The following NEB variants were observed in gnomAD, a reference collection of about 807,000 sequenced individuals.
NEB encodes nebulin.
In NEB, 512 loss-of-function variants were observed where a neutral mutation model predicts 952.2. The observed-to-expected ratio is 0.54, with a 90% CI of 0.50 to 0.58. The LOEUF is 0.58. Among genes scored for constraint, NEB ranks in the 20% least tolerant of loss-of-function variants. The probability of loss-of-function intolerance (pLI) is 0.00; values close to 1 mark genes in which losing one functional copy is unlikely to be tolerated. For synonymous variants in NEB, 2,900 were observed against 3,149.8 expected (o/e 0.92, Z 2.66); for missense variants, 8,428 against 9,231.1 (o/e 0.91, Z 3.56).
At chr2:151,688,494 A>G (rs1172861804) in intron 24 of NEB, 98 bp from the exon 25 acceptor site, 1 of 889,766 alleles carries the variant, frequency 1.1e-6, no homozygotes, top group Admixed American at 2.0e-5. Context: ...TTTTAGAAAA[A>G]TGCCTCAAAG....
intron 10 of NEB, among the ~76,000 whole-genome samples, chr2:151,713,874 C>T (rs780112989): frequency 4.6e-5 from 7 of 152,110 alleles, no homozygotes; most frequent in Non-Finnish European, 8.8e-5. Flanking sequence ...GGCTGGCAAA[C>T]GGAAGGTAAC....
chr2:151,706,303 C>A (rs1222235573), intron 13 of NEB, among the ~76,000 whole-genome samples: 3 of 152,174 alleles, frequency 2.0e-5, no homozygotes, highest in African/African-American at 7.2e-5. Flanking sequence ...GCAAACCTAA[C>A]CGTAAGAGAT....
chr2:151,493,683 G>A, intron 175 of NEB, 92 bp downstream of exon 175: 1 of 1,093,154 alleles, frequency 9.1e-7, no homozygotes, highest in Non-Finnish European at 1.3e-6. Context: ...ATACACAAAA[G>A]TTTTGGAAAA....
chr2:151,496,130 GCCC>G, intron 173 of NEB, 143 bp downstream of exon 173: 1 of 893,810 alleles, frequency 1.1e-6, no homozygotes, highest in Non-Finnish European at 1.7e-6. Context: ...GCTAGAAGTA[GCCC>G]AAAGGAAAAA....
chr2:151,564,915 A>G (rs911874906), intron 117 of NEB, 129 bp downstream of exon 117: 3 of 572,908 alleles, frequency 5.2e-6, no homozygotes, highest in Middle Eastern at 4.1e-4. Flanking sequence ...ACACAAGACT[A>G]AGTGCAATGG....
At chr2:151,676,516 C>G (rs550447698) in intron 34 of NEB, among the ~76,000 whole-genome samples, 49 of 152,312 alleles carry the variant, frequency 3.2e-4, no homozygotes, top group African/African-American at 1.1e-3. Context: ...TTACCTACCC[C>G]CTAATATCCA....
intron 69 of NEB, 67 bp from the exon 70 acceptor site, chr2:151,627,272 A>C: frequency 6.5e-7 from 1 of 1,535,790 alleles, no homozygotes; most frequent in South Asian, 1.2e-5. Context: ...AAAATAAAAA[A>C]ATAACACTAG....
Position 151,658,011 on chromosome 2 carries a change from G to A in NEB, c.6155C>T (p.Ala2052Val). 6.2e-7 allele frequency: 1 copy of A among 1,610,084 alleles called. No homozygotes were observed. Among genetic ancestry groups the A allele is most frequent in the Non-Finnish European group, 8.5e-7 (1 of 1,177,464 alleles). Residue 2052 changes from alanine (A) to valine (V), a missense_variant, in exon 48 of 182, where the codon GCC (alanine) becomes GTC (valine). Physicochemically the swap from Ala to Val is moderately conservative, Grantham distance 64. This residue lies in a region of NEB where 2,851 missense variants were observed against 2,791.5 expected (regional missense o/e 1.02). Transcript: ENST00000397345. Reference sequence around the variant, plus strand: ...ACTTGCAATATCTCTGGAAGCCTTGGCAGCTTTGATAGGAATTGCATCAGG... The same window carrying A: ...ACTTGCAATATCTCTGGAAGCCTTGACAGCTTTGATAGGAATTGCATCAGG... ...LRPDAIPIKAAKASRDIASDY... is the reference protein window; with the variant it reads ...LRPDAIPIKAVKASRDIASDY...
intron 133 of NEB, 112 bp downstream of exon 133, chr2:151,547,317 T>C (rs2094840327): frequency 3.9e-6 from 3 of 775,580 alleles, no homozygotes; most frequent in Non-Finnish European, 6.4e-6. Context: ...ACTCTTTGTT[T>C]AGAAGTGCTT....
At chr2:151,676,308 C>A (rs2099358838) in intron 34 of NEB, among the ~76,000 whole-genome samples, 2 of 152,194 alleles carry the variant, frequency 1.3e-5, no homozygotes, top group Non-Finnish European at 1.5e-5. Context: ...TTCTACACAG[C>A]TCCTTCTCTG....
chr2:151,694,729 T>TA, intron 18 of NEB, 100 bp from the exon 19 acceptor site: 1 of 861,406 alleles, frequency 1.2e-6, no homozygotes, highest in Non-Finnish European at 1.8e-6. Context: ...TAATATAAAA[T>TA]AAATGGGCCC....
intron 66 of NEB, 127 bp downstream of exon 66, chr2:151,631,016 C>G: frequency 7.4e-7 from 1 of 1,342,342 alleles, no homozygotes; most frequent in Non-Finnish European, 1.0e-6. Flanking sequence ...TAGAGGATTT[C>G]AAGCATGTAA....
intron 153 of NEB, among the ~76,000 whole-genome samples, chr2:151,523,843 C>A (rs2083595764): frequency 6.6e-6 from 1 of 152,036 alleles, no homozygotes; most frequent in Non-Finnish European, 1.5e-5. Context: ...GACATCTGCT[C>A]ATCCCTACTT....
chr2:151,640,757 A>T, intron 60 of NEB, 91 bp from the exon 61 acceptor site: 1 of 1,313,496 alleles, frequency 7.6e-7, no homozygotes, highest in Non-Finnish European at 1.0e-6. Flanking sequence ...TTAAAAAAAA[A>T]ATTTTCCCTG....
At position 151,493,624 on chromosome 2, in the gene NEB, CGTG is replaced by C. The variant is rs1395773706; in HGVS notation, c.24672+148_24672+150del. ...GAAAGAAGTAAAATCACTGTGACCTCGTGGGGTTGGTTTGTTGTTTTTAAGTGG... is the reference window on the plus strand; with the variant it reads ...GAAAGAAGTAAAATCACTGTGACCTCGGGTTGGTTTGTTGTTTTTAAGTGG... On this transcript the variant is annotated intron_variant, in intron 175 of 181. Coordinates refer to ENST00000397345, the MANE Select transcript of NEB (RefSeq NM_001164508.2). The C allele has an allele frequency of 1.7e-4, 124 of 736,906 alleles. 2 individuals carry two copies. The East Asian group carries it at 3.3e-3, about 20-fold the overall frequency. The allele number at this position is 736,906 out of a possible 1,614,324, so 45.6% of individuals were successfully genotyped here.
At chr2:151,615,558 G>GT (rs1363832387) in intron 76 of NEB, among the ~76,000 whole-genome samples, 9 of 152,170 alleles carry the variant, frequency 5.9e-5, no homozygotes, top group Non-Finnish European at 8.8e-5. Context: ...TATCCATCTA[G>GT]TTTTCTTTTA....
At chr2:151,497,526 A>AAGTT in intron 171 of NEB, 100 bp downstream of exon 171, 1 of 1,503,470 alleles carries the variant, frequency 6.7e-7, no homozygotes, top group South Asian at 1.3e-5. Flanking sequence ...CACAAAATTT[A>AAGTT]AGTTGTCTTT....
chr2:151,485,807 T>C lies in NEB; in HGVS notation c.25531A>G (p.Thr8511Ala). The change falls in exon 182 of 182, where the codon ACT becomes GCT. Residue 8511 changes from threonine (T) to alanine (A), a missense_variant. Physicochemically the swap from Thr to Ala is moderately conservative, Grantham distance 58 (BLOSUM62 0). Coordinates refer to ENST00000397345, the MANE Select transcript of NEB (RefSeq NM_001164508.2). ...GCTGGGAGCATTCCGGTCCTGCCAG[T>C]CCTCTGCACAGTGCCATACATCCAG... ...EGWMYGTVQR[T>A]GRTGMLPANY... 2.5e-6 allele frequency: 4 copies of C among 1,613,440 alleles called. No individual in the cohort carries two copies. The highest frequency in any genetic ancestry group is 3.4e-6 in the Non-Finnish European group (4 of 1,179,502).
At position 151,493,780 on chromosome 2, in the gene NEB, T is replaced by C. The variant is rs1559158257; in HGVS notation, c.24667A>G (p.Ser8223Gly). The C allele has an allele frequency of 6.4e-7, 1 of 1,569,914 alleles. No individual in the cohort carries two copies. The highest frequency in any genetic ancestry group is 1.2e-5 in the South Asian group (1 of 85,792). Residue 8223 changes from serine (S) to glycine (G), a missense_variant, in exon 175 of 182, where the codon AGC becomes GGC. Around this residue, in one of 11 missense-constraint regions of NEB, gnomAD observed 3,374 missense variants for 3,651.5 expected, o/e 0.92. Transcript: ENST00000397345. ...ATTTTTCCTTTCTAAAATACCGAGC[T>C]AAAGTTTTCTTGATTGCGTTTCACT... ...ERVKRNQENFSSVLYKENMRK... is the reference protein window; with the variant it reads ...ERVKRNQENFGSVLYKENMRK...
Sources: allele counts gnomAD v4.1 joint callset (sites outside exome capture counted in the v4.1 genomes callset), GRCh38; gene constraint gnomAD v4.1.1; regional missense constraint gnomAD v4.1.1; transcripts MANE v1.5; gene names NCBI Gene and HGNC (gene_info 2026-07-23, HGNC 2026-07-21).